GALNS: variants seen among roughly 807,000 people sequenced by gnomAD.
GALNS encodes the protein galactosamine (N-acetyl)-6-sulfatase, also known as N-acetylgalactosamine-6-sulfatase.
Under a neutral mutation model 65.9 loss-of-function variants are expected in GALNS, and 65 were observed. That is an observed-to-expected ratio of 0.99 (90% CI 0.81 to 1.21). The LOEUF (loss-of-function observed/expected upper bound fraction) is 1.21, where lower values mean the gene tolerates loss of function less well. Ranked by LOEUF, GALNS falls within the 50% of genes most tolerant of loss-of-function variation. The probability of loss-of-function intolerance (pLI) is 0.00; values close to 1 mark genes in which losing one functional copy is unlikely to be tolerated. For missense variants in GALNS, 776 were observed against 700.7 expected (o/e 1.11, Z -1.21); for synonymous variants, 346 against 288.9 (o/e 1.20, Z -2.00).
At position 88,847,051 on chromosome 16, in the gene GALNS, C is replaced by A. The variant is rs549871625; in HGVS notation, c.121-4222G>T. Among the ~76,000 whole-genome samples the A allele has an allele frequency of 5.9e-5, 9 of 152,278 alleles. No individual in the cohort carries two copies. In the South Asian group the frequency reaches 1.9e-3, roughly 32 times the overall value. On this transcript the variant is annotated intron_variant, in intron 1 of 13. Transcript: ENST00000268695. Reference sequence around the variant, plus strand: ...GTAAAGCAAGTATCTGCAGCCCAGCCATGTCTGGCAGCCAAAGCCTTCAGG... The same window carrying A: ...GTAAAGCAAGTATCTGCAGCCCAGCAATGTCTGGCAGCCAAAGCCTTCAGG...
rs370908859 is a variant in GALNS at position 88,828,477 on chromosome 16, G to A, written c.1003-1639C>T. ...GGCTGCAGGGACTAAAGCCTCCCCTGCCCAGAGGGAACTGTCGGGACAGAC... is the reference window on the plus strand; with the variant it reads ...GGCTGCAGGGACTAAAGCCTCCCCTACCCAGAGGGAACTGTCGGGACAGAC... On this transcript the variant is annotated intron_variant, in intron 9 of 13. Coordinates refer to ENST00000268695, the MANE Select transcript of GALNS (RefSeq NM_000512.5). Among the ~76,000 whole-genome samples the A allele has an allele frequency of 1.8e-4, 27 of 152,354 alleles. No homozygotes were observed. In the South Asian group the frequency reaches 4.3e-3, roughly 25 times the overall value.
chr16:88,817,051 A>C, intron 13 of GALNS: 1 of 985,402 alleles, frequency 1.0e-6, no homozygotes, highest in Non-Finnish European at 1.2e-6. Context: ...CGAGGGCCGC[A>C]CGTGTCCCAT....
rs755181164 is a variant in GALNS, at chr16:88,841,022, G to T, written c.392C>A (p.Ala131Asp). 6.2e-7 allele frequency: 1 copy of T among 1,613,252 alleles called. No individual in the cohort carries two copies. The highest frequency in any genetic ancestry group is 1.1e-5 in the South Asian group (1 of 91,082). ...GCCGACAATCTTGCTGACGTAGCCG[G>T]CCTTCTTCAGAAGCTCCGGCAGGAG... ...EQLLPELLKK[A>D]GYVSKIVGKW... Residue 131 changes from alanine to aspartate, a missense_variant, in exon 4 of 14, where the codon GCC becomes GAC. Coordinates refer to ENST00000268695, the MANE Select transcript of GALNS (RefSeq NM_000512.5).
rs1017841614 is a variant in GALNS at position 88,817,875 on chromosome 16, AG to A, written c.1482+131del. 6 of 812,240 alleles carry A rather than the reference AG, an allele frequency of 7.4e-6. No individual in the cohort carries two copies. In the African/African-American group the frequency reaches 8.5e-5, roughly 11 times the overall value. The allele number at this position is 812,240 out of a possible 1,614,324, so 50.3% of individuals were successfully genotyped here. On this transcript the variant is annotated intron_variant, in intron 13 of 13. Transcript: ENST00000268695. Reference sequence around the variant, plus strand: ...GCCGCCGCGTGTGCTCTGAGGCACGAGGGCCTCACCACTGACGGAGGCGGGG... The same window carrying A: ...GCCGCCGCGTGTGCTCTGAGGCACGAGGCCTCACCACTGACGGAGGCGGGG...
At chr16:88,833,454 C>CCTTTTTTTT (rs1555521205) in intron 8 of GALNS, among the ~76,000 whole-genome samples, 1 of 141,170 alleles carries the variant, frequency 7.1e-6, no homozygotes. Flanking sequence ...CTCCCATCCC[C>CCTTTTTTTT]TTTTTTTTTT....
chr16:88,835,195 G>A lies in GALNS; in HGVS notation c.898+18C>T, dbSNP rs1338616401. On this transcript the variant is annotated intron_variant, in intron 8 of 13. Transcript: ENST00000268695. ...GCTGGCTGTGGGGAAACCGTGAGAA[G>A]TGACAGCGAGCACTCACCTTGTTCG... 1.3e-6 allele frequency: 2 copies of A among 1,565,296 alleles called. No homozygotes were observed. The highest frequency in any genetic ancestry group is 1.7e-6 in the Non-Finnish European group (2 of 1,153,750).
At chr16:88,819,401 G>A (rs1047224000) in intron 12 of GALNS, among the ~76,000 whole-genome samples, 2 of 152,220 alleles carry the variant, frequency 1.3e-5, no homozygotes, top group Non-Finnish European at 2.9e-5. Flanking sequence ...ATCCAGGAGG[G>A]TCTCAGGTGC....
rs754048334 is a variant in GALNS at position 88,841,557 on chromosome 16, C to T, written c.319+340G>A. On this transcript the variant is annotated intron_variant, in intron 3 of 13. Coordinates refer to ENST00000268695, the MANE Select transcript of GALNS (RefSeq NM_000512.5). ...GCCCATCCAAACCCCTCAAGCACAG[C>T]GATTCCAGAACATTCCAGAACTGCC... Among the ~76,000 whole-genome samples the T allele has an allele frequency of 2.6e-5, 4 of 152,204 alleles. No homozygotes were observed. The East Asian group carries it at 5.8e-4, about 22-fold the overall frequency.
At position 88,837,644 on chromosome 16, in the gene GALNS, T is replaced by C. The variant is rs1375579524; in HGVS notation, c.544A>G (p.Arg182Gly). 1 of 1,613,736 alleles carries C rather than the reference T, an allele frequency of 6.2e-7. No homozygotes were observed. Among genetic ancestry groups the C allele is most frequent in the African/African-American group, 1.3e-5 (1 of 75,028 alleles). The change falls in exon 5 of 14, where the codon AGG becomes GGG. Residue 182 changes from arginine (R) to glycine (G), a missense_variant. By Grantham distance (125) the Arg-to-Gly change is moderately radical (BLOSUM62 -2). Transcript: ENST00000268695. ...TACCTGCCAACCATCTCCCAGTCCC[T>C]GTACACAGGGATGTTGGGCCTGGCC... Reference protein sequence around the residue: ...NKARPNIPVYRDWEMVGRYYE... With the variant: ...NKARPNIPVYGDWEMVGRYYE...
chr16:88,837,905 C>T (rs1226813327), intron 4 of GALNS, 140 bp from the exon 5 acceptor site: 11 of 840,188 alleles, frequency 1.3e-5, no homozygotes, highest in South Asian at 4.7e-5. Context: ...TGCCTGGGCA[C>T]GGCAGGGACA....
chr16:88,821,178 G>T (rs1031826667), intron 12 of GALNS, among the ~76,000 whole-genome samples: 5 of 62,628 alleles, frequency 8.0e-5, no homozygotes, highest in Non-Finnish European at 3.3e-5. Context: ...CTTTTCCAGA[G>T]GCCAGAGGCT....
At position 88,814,544 on chromosome 16, in the gene GALNS, G is replaced by A. The variant is rs1432036465; in HGVS notation, c.1483-19C>T. On this transcript the variant is annotated intron_variant, in intron 13 of 13. Coordinates refer to ENST00000268695, the MANE Select transcript of GALNS (RefSeq NM_000512.5). ...CCCAGTTCTGGGAAATGAAAATTGA[G>A]AAAAAGAACATGCAGTTATTCAAGC... 1.3e-6 allele frequency: 2 copies of A among 1,551,570 alleles called. No individual in the cohort carries two copies. The highest frequency in any genetic ancestry group is 1.7e-6 in the Non-Finnish European group (2 of 1,147,324).
rs148250960 is a variant in GALNS, at chr16:88,834,634, GCC to G, written c.898+577_898+578del. Among the ~76,000 whole-genome samples the G allele has an allele frequency of 1.3e-3, 92 of 69,372 alleles. 4 individuals are homozygous for G. The highest frequency in any genetic ancestry group is 2.6e-3 in the East Asian group (2 of 780). The allele number at this position is 69,372 out of a possible 152,430, so 45.5% of individuals were successfully genotyped here. On this transcript the variant is annotated intron_variant, in intron 8 of 13. Transcript: ENST00000268695. ...GTGTGGTCTGGGAAGAGGCTGCAGGGCCCCCCCCCGCGTGGTCTGGGAAGAGG... is the reference window on the plus strand; with the variant it reads ...GTGTGGTCTGGGAAGAGGCTGCAGGGCCCCCCCGCGTGGTCTGGGAAGAGG...
chr16:88,850,860 A>G lies in GALNS; in HGVS notation c.120+5898T>C, dbSNP rs112654402. Among the ~76,000 whole-genome samples, 553 of 152,308 alleles carry G rather than the reference A, an allele frequency of 3.6e-3. 2 individuals are homozygous for G. The highest frequency in any genetic ancestry group is 0.012 in the African/African-American group (518 of 41,562). On this transcript the variant is annotated intron_variant, in intron 1 of 13. Coordinates refer to ENST00000268695, the MANE Select transcript of GALNS (RefSeq NM_000512.5). ...GAGACTCTTTATGCCCAGAAGGAGG[A>G]TGCTGGGCATAAATCGTGGCATGTG...
intron 12 of GALNS, among the ~76,000 whole-genome samples, chr16:88,821,812 T>C (rs1438784377): frequency 6.6e-6 from 1 of 152,090 alleles, no homozygotes; most frequent in Non-Finnish European, 1.5e-5. Flanking sequence ...TGCACGCCAC[T>C]CCCCTGATGC....
At chr16:88,835,520 C>T (rs1912029139) in intron 7 of GALNS, among the ~76,000 whole-genome samples, 168 bp from the exon 8 acceptor site, 1 of 152,204 alleles carries the variant, frequency 6.6e-6, no homozygotes, top group Non-Finnish European at 1.5e-5. Flanking sequence ...AGTTCAAGTT[C>T]ATGTGGCTTA....
intron 13 of GALNS, chr16:88,817,404 C>G (rs1316482304): frequency 1.0e-6 from 1 of 985,338 alleles, no homozygotes. Flanking sequence ...GGAGGTGCTG[C>G]TCTGGGTGGG....
Position 88,814,444 on chromosome 16 carries a change from G to A in GALNS, c.1564C>T (p.His522Tyr). Reference sequence around the variant, plus strand: ...GGCCTGAGTCTGCGCAGGTGCTAGTGGGACCAGAGGCACTTCTTGGGAATG... The same window carrying A: ...GGCCTGAGTCTGCGCAGGTGCTAGTAGGACCAGAGGCACTTCTTGGGAATG... ...ESIPKKCLWS[H>Y] is the part of the protein sequence containing the mutation. The change falls in exon 14 of 14, where the codon CAC becomes TAC. Residue 522 changes from histidine (H) to tyrosine (Y), a missense_variant. Coordinates refer to ENST00000268695, the MANE Select transcript of GALNS (RefSeq NM_000512.5). 1.9e-6 allele frequency: 3 copies of A among 1,559,330 alleles called. No homozygotes were observed. The highest frequency in any genetic ancestry group is 2.6e-6 in the Non-Finnish European group (3 of 1,151,254).
intron 9 of GALNS, among the ~76,000 whole-genome samples, chr16:88,827,667 AACTC>A (rs1305505632): frequency 6.6e-6 from 1 of 152,080 alleles, no homozygotes; most frequent in African/African-American, 2.4e-5. Context: ...GCTGGTCTCG[AACTC>A]CCAACCTCAG....
Sources: allele counts gnomAD v4.1 joint callset (sites outside exome capture counted in the v4.1 genomes callset), GRCh38; gene constraint gnomAD v4.1.1; transcripts MANE v1.5; gene names NCBI Gene and HGNC (gene_info 2026-07-23, HGNC 2026-07-21).